Variants in IGSF11 observed in about 807,000 individuals in gnomAD.
IGSF11 encodes immunoglobulin superfamily member 11.
IGSF11 carries 22 observed loss-of-function variants against 41.0 expected under a neutral mutation model. That is an observed-to-expected ratio of 0.54 (90% CI 0.38 to 0.77). IGSF11 has a LOEUF of 0.77. Ranked by LOEUF, IGSF11 falls within the 30% of genes least tolerant of loss-of-function variation. The pLI is 0.00. For missense variants in IGSF11, 444 were observed against 530.8 expected (o/e 0.84, Z 1.61); for synonymous variants, 219 against 201.3 (o/e 1.09, Z -0.74).
chr3:118,982,932 G>C (rs990383723), intron 1 of IGSF11, among the ~76,000 whole-genome samples: 26 of 152,124 alleles, frequency 1.7e-4, no homozygotes, highest in African/African-American at 6.0e-4. Flanking sequence ...ATTCAGTCTA[G>C]TATCACCTTG....
At chr3:119,120,419 T>A (rs1420517749) in intron 1 of IGSF11, among the ~76,000 whole-genome samples, 1 of 152,052 alleles carries the variant, frequency 6.6e-6, no homozygotes, top group Non-Finnish European at 1.5e-5. Context: ...TGGACACACA[T>A]GAGGAGTGGA....
chr3:118,934,094 G>C (rs561764043), intron 1 of IGSF11, among the ~76,000 whole-genome samples: 1 of 152,188 alleles, frequency 6.6e-6, no homozygotes, highest in South Asian at 2.1e-4. Flanking sequence ...TCCTCACCAG[G>C]GAGGCCCTAG....
At chr3:118,952,773 A>T (rs1470826064) in intron 1 of IGSF11, among the ~76,000 whole-genome samples, 2 of 152,186 alleles carry the variant, frequency 1.3e-5, no homozygotes, top group Admixed American at 6.5e-5. Context: ...GACCCATAAG[A>T]CACAAGCACT....
At chr3:119,121,837 G>T (rs2077337698) in intron 1 of IGSF11, among the ~76,000 whole-genome samples, 1 of 152,026 alleles carries the variant, frequency 6.6e-6, no homozygotes, top group Non-Finnish European at 1.5e-5. Context: ...CCATGTACAA[G>T]GAATCCTCAA....
chr3:118,929,094 T>A (rs1178260848), intron 2 of IGSF11, among the ~76,000 whole-genome samples: 2 of 152,184 alleles, frequency 1.3e-5, no homozygotes, highest in East Asian at 1.9e-4. Context: ...TGATAGATCA[T>A]AGGTACAGAC....
At chr3:119,014,800 C>A (rs1269913861) in intron 1 of IGSF11, among the ~76,000 whole-genome samples, 1 of 152,172 alleles carries the variant, frequency 6.6e-6, no homozygotes, top group Non-Finnish European at 1.5e-5. Flanking sequence ...ATCTACAATT[C>A]CAGGGCTGTA....
At chr3:119,111,147 G>T (rs1163795711) in intron 1 of IGSF11, among the ~76,000 whole-genome samples, 1 of 152,172 alleles carries the variant, frequency 6.6e-6, no homozygotes, top group African/African-American at 2.4e-5. Flanking sequence ...TGCCTTGCTA[G>T]ATTGGGGAAG....
intron 1 of IGSF11, among the ~76,000 whole-genome samples, chr3:119,072,335 C>G (rs2076413479): frequency 6.6e-6 from 1 of 152,228 alleles, no homozygotes; most frequent in Admixed American, 6.5e-5. Flanking sequence ...ATCCAGCTAA[C>G]TACAATATCC....
At chr3:119,141,086 G>A in intron 1 of IGSF11, among the ~76,000 whole-genome samples, 1 of 138,078 alleles carries the variant, frequency 7.2e-6, no homozygotes, top group Non-Finnish European at 1.6e-5. Context: ...TGCAATCACA[G>A]TGAAATTAAA....
At chr3:119,102,509 C>T (rs2076953482) in intron 1 of IGSF11, among the ~76,000 whole-genome samples, 1 of 152,154 alleles carries the variant, frequency 6.6e-6, no homozygotes, top group Admixed American at 6.5e-5. Context: ...TAAATGTTAA[C>T]AATTCCATGT....
intron 1 of IGSF11, among the ~76,000 whole-genome samples, chr3:118,942,505 T>G (rs1943775800): frequency 6.6e-6 from 1 of 152,184 alleles, no homozygotes; most frequent in African/African-American, 2.4e-5. Flanking sequence ...ACTCTCTATG[T>G]GAATCTGACT....
chr3:119,126,721 G>C (rs1434017171), intron 1 of IGSF11, among the ~76,000 whole-genome samples: 1 of 152,114 alleles, frequency 6.6e-6, no homozygotes, highest in Non-Finnish European at 1.5e-5. Flanking sequence ...CCAGGCACGG[G>C]AGCAAATCAG....
At chr3:119,082,624 T>G (rs187777165) in intron 1 of IGSF11, among the ~76,000 whole-genome samples, 1 of 152,336 alleles carries the variant, frequency 6.6e-6, no homozygotes. Context: ...ATCTTTAAAT[T>G]TCATAAAGTT....
intron 1 of IGSF11, among the ~76,000 whole-genome samples, chr3:118,969,195 T>TA (rs1050381560): frequency 1.7e-4 from 25 of 150,180 alleles, no homozygotes; most frequent in Admixed American, 4.0e-4. Flanking sequence ...TGGTAAATAT[T>TA]AAAAAAAAAT....
At chr3:119,016,054 A>ATTTC (rs1236619775) in intron 1 of IGSF11, among the ~76,000 whole-genome samples, 1 of 152,266 alleles carries the variant, frequency 6.6e-6, no homozygotes, top group Non-Finnish European at 1.5e-5. Context: ...TAGACCAGGC[A>ATTTC]GAAAGGCTGA....
intron 1 of IGSF11, among the ~76,000 whole-genome samples, chr3:119,057,019 C>G (rs2107445873): frequency 6.6e-6 from 1 of 152,244 alleles, no homozygotes; most frequent in South Asian, 2.1e-4. Context: ...CAATATCATA[C>G]TGAATGGACA....
chr3:119,106,272 C>T (rs1576804725), upstream of IGSF11, among the ~76,000 whole-genome samples: 2 of 152,254 alleles, frequency 1.3e-5, no homozygotes, highest in Middle Eastern at 3.4e-3. Context: ...ACTATAGTCA[C>T]CCAGTTATAC....
At chr3:118,963,886 C>A (rs1168297716) in intron 1 of IGSF11, among the ~76,000 whole-genome samples, 3 of 152,058 alleles carry the variant, frequency 2.0e-5, no homozygotes, top group Non-Finnish European at 2.9e-5. Context: ...TTATGATGGG[C>A]CCCTCTGCCA....
intron 1 of IGSF11, among the ~76,000 whole-genome samples, chr3:119,087,694 G>C (rs540270298): frequency 6.6e-6 from 1 of 152,098 alleles, no homozygotes; most frequent in South Asian, 2.1e-4. Context: ...GGTGATGGGT[G>C]TACCAAAATC....
Sources: allele counts gnomAD v4.1 joint callset (sites outside exome capture counted in the v4.1 genomes callset), GRCh38; gene constraint gnomAD v4.1.1; transcripts MANE v1.5; gene names NCBI Gene and HGNC (gene_info 2026-07-23, HGNC 2026-07-21).